The following TRIM34 variants were observed in gnomAD, a reference collection of about 807,000 sequenced individuals.
The protein encoded by TRIM34 is E3 ubiquitin-protein ligase TRIM34.
A neutral mutation model predicts 38.1 loss-of-function variants in TRIM34; 41 were observed. The observed-to-expected ratio is 1.08, with a 90% CI of 0.84 to 1.40. The LOEUF is 1.40. Ranked by LOEUF, TRIM34 falls within the 40% of genes most tolerant of loss-of-function variation. The pLI is 0.00. For synonymous variants in TRIM34, 200 were observed against 202.5 expected (o/e 0.99, Z 0.10); for missense variants, 556 against 571.4 (o/e 0.97, Z 0.27).
At chr11:5,635,254 A>ATTTTTT (rs35208771) in intron 4 of TRIM34, among the ~76,000 whole-genome samples, 1 of 128,320 alleles carries the variant, frequency 7.8e-6, no homozygotes, top group African/African-American at 2.9e-5. Context: ...TTCCCTGTTA[A>ATTTTTT]TTTTTTTTTT....
chr11:5,634,453 A>G (rs962832331), intron 3 of TRIM34, among the ~76,000 whole-genome samples, 178 bp from the exon 4 acceptor site: 18 of 150,634 alleles, frequency 1.2e-4, no homozygotes, highest in African/African-American at 3.9e-4. Flanking sequence ...AAAAATCGAT[A>G]TATAGATAAT....
In TRIM34 at chr11:5,630,803, T is replaced by G. The variant is rs574109040; in HGVS notation, c.-77-1452T>G. Among the ~76,000 whole-genome samples, 7 of 152,370 alleles carry G rather than the reference T, an allele frequency of 4.6e-5. No homozygotes were observed. In the East Asian group the frequency reaches 1.3e-3, roughly 29 times the overall value. On this transcript the variant is annotated intron_variant, in intron 1 of 7. Coordinates refer to ENST00000429814, the MANE Select transcript of TRIM34 (RefSeq NM_021616.6). The stretch of plus-strand genomic sequence containing the variant: ...TTTTATGAATGATTATATAATTAGC[T>G]TCTATCTTCTTAGGTGACTGTTTAC...
chr11:5,643,194 G>C lies in TRIM34; in HGVS notation c.952G>C (p.Glu318Gln). The change falls in exon 8 of 8, where the codon GAA (glutamate) becomes CAA (glutamine). Residue 318 changes from glutamate to glutamine, a missense_variant. Coordinates refer to ENST00000429814, the MANE Select transcript of TRIM34 (RefSeq NM_021616.6). ...CCTAAATTTGAATCTTGTCCTTTCAGAAGATCAGAGACAAGTGATATCTGT... is the reference window on the plus strand; with the variant it reads ...CCTAAATTTGAATCTTGTCCTTTCACAAGATCAGAGACAAGTGATATCTGT... ...VNLNLNLVLS[E>Q]DQRQVISVPI... 6.2e-7 allele frequency: 1 copy of C among 1,601,326 alleles called. No homozygotes were observed. The highest frequency in any genetic ancestry group is 8.5e-7 in the Non-Finnish European group (1 of 1,175,908).
chr11:5,622,123 T>G (rs951215425), upstream of TRIM34, among the ~76,000 whole-genome samples: 1 of 152,172 alleles, frequency 6.6e-6, no homozygotes, highest in Non-Finnish European at 1.5e-5. Flanking sequence ...TGCATGTCCA[T>G]TGAACTCAGA....
chr11:5,642,927 C>G (rs1564891276), intron 7 of TRIM34, 84 bp downstream of exon 7: 8 of 1,569,926 alleles, frequency 5.1e-6, no homozygotes, highest in Non-Finnish European at 6.9e-6. Flanking sequence ...CTGATCTTAG[C>G]CTCATGCATT....
At chr11:5,636,048 G>A (rs146214529) in intron 4 of TRIM34, among the ~76,000 whole-genome samples, 306 of 152,264 alleles carry the variant, frequency 2.0e-3, no homozygotes, top group African/African-American at 7.0e-3. Context: ...ATACCTAGAA[G>A]AACTGAATAC....
intron 4 of TRIM34, among the ~76,000 whole-genome samples, chr11:5,640,031 G>T (rs530699160): frequency 6.6e-6 from 1 of 152,040 alleles, no homozygotes; most frequent in Non-Finnish European, 1.5e-5. Context: ...ATAAATTATT[G>T]TTGACTATAG....
Position 5,632,359 on chromosome 11 carries a change from C to A in TRIM34, c.28C>A (p.Gln10Lys). Residue 10 changes from glutamine (Q) to lysine (K), a missense_variant, in exon 2 of 8, where the codon CAA (glutamine) becomes AAA (lysine). Coordinates refer to ENST00000429814, the MANE Select transcript of TRIM34 (RefSeq NM_021616.6). MASKILLNV[Q>K]EEVTCPICLE... is the part of the protein sequence containing the mutation. ...GGCTTCAAAAATCTTGCTTAACGTA[C>A]AAGAGGAGGTGACCTGTCCCATCTG... 6.2e-7 allele frequency: 1 copy of A among 1,614,020 alleles called. No homozygotes were observed.
intron 2 of TRIM34, 112 bp from the exon 3 acceptor site, chr11:5,633,692 G>GT (rs1849591080): frequency 1.4e-5 from 15 of 1,056,252 alleles, no homozygotes; most frequent in Non-Finnish European, 1.9e-5. Context: ...CAGCTTCACA[G>GT]TTTCTGTAAA....
At chr11:5,634,530 C>CACACACACAT (rs1491498839) in intron 3 of TRIM34, 101 bp from the exon 4 acceptor site, 11 of 261,888 alleles carry the variant, frequency 4.2e-5, no homozygotes, top group Admixed American at 3.1e-4. Flanking sequence ...CACACACACA[C>CACACACACAT]ATATATATAT....
At chr11:5,630,670 A>G (rs1334148589) in intron 1 of TRIM34, among the ~76,000 whole-genome samples, 8 of 152,140 alleles carry the variant, frequency 5.3e-5, no homozygotes, top group Admixed American at 5.2e-4. Context: ...TTAAACTCTT[A>G]CTTATCCAAG....
intron 4 of TRIM34, among the ~76,000 whole-genome samples, chr11:5,637,156 G>C (rs1220478943): frequency 2.2e-5 from 2 of 90,134 alleles, no homozygotes; most frequent in African/African-American, 3.9e-5. Flanking sequence ...CTGGGCGACA[G>C]AGCGAGACTC....
chr11:5,630,560 A>G (rs752688203), intron 1 of TRIM34, among the ~76,000 whole-genome samples: 2 of 152,210 alleles, frequency 1.3e-5, no homozygotes, highest in African/African-American at 2.4e-5. Context: ...TTATGATGCT[A>G]TGTCCTCCAT....
chr11:5,625,451 A>G (rs572037120), intron 1 of TRIM34, among the ~76,000 whole-genome samples: 48 of 152,246 alleles, frequency 3.2e-4, no homozygotes, highest in Non-Finnish European at 5.6e-4. Context: ...TCCCTCCTCA[A>G]AAGAGAAGTT....
At chr11:5,620,504 C>T (rs1848954956), upstream of TRIM34, among the ~76,000 whole-genome samples, 1 of 152,026 alleles carries the variant, frequency 6.6e-6, no homozygotes, top group Non-Finnish European at 1.5e-5. Flanking sequence ...TCCAGCCAAG[C>T]TTTTTTTCTC....
At chr11:5,640,755 GC>G (rs1849971616) in intron 4 of TRIM34, among the ~76,000 whole-genome samples, 1 of 152,126 alleles carries the variant, frequency 6.6e-6, no homozygotes, top group South Asian at 2.1e-4. Context: ...AGCAGAATTA[GC>G]CAGTGAAGCC....
chr11:5,643,211 G>C lies in TRIM34; in HGVS notation c.969G>C (p.Val323=). ...NLVLSEDQRQ[V]ISVPIWPFQC... is the part of the protein sequence containing the mutation. Reference sequence around the variant, plus strand: ...TCCTTTCAGAAGATCAGAGACAAGTGATATCTGTGCCAATTTGGCCTTTTC... The same window carrying C: ...TCCTTTCAGAAGATCAGAGACAAGTCATATCTGTGCCAATTTGGCCTTTTC... Residue 323 remains valine (V), a synonymous_variant, in exon 8 of 8, where the codon GTG becomes GTC. Coordinates refer to ENST00000429814, the MANE Select transcript of TRIM34 (RefSeq NM_021616.6). 2 of 1,612,862 alleles carry C rather than the reference G, an allele frequency of 1.2e-6. No homozygotes were observed. The highest frequency in any genetic ancestry group is 1.7e-6 in the Non-Finnish European group (2 of 1,179,630).
At chr11:5,641,062 C>A in intron 4 of TRIM34, 105 bp from the exon 5 acceptor site, 1 of 1,427,640 alleles carries the variant, frequency 7.0e-7, no homozygotes, top group Non-Finnish European at 9.3e-7. Flanking sequence ...TTTCATATAA[C>A]TCACTTCTGA....
chr11:5,633,543 A>T (rs1849583012), intron 2 of TRIM34, among the ~76,000 whole-genome samples: 1 of 152,220 alleles, frequency 6.6e-6, no homozygotes, highest in Admixed American at 6.5e-5. Context: ...AGAGGAAAGG[A>T]CTTTCTGCAG....
Sources: allele counts gnomAD v4.1 joint callset (sites outside exome capture counted in the v4.1 genomes callset), GRCh38; gene constraint gnomAD v4.1.1; transcripts MANE v1.5; gene names NCBI Gene and HGNC (gene_info 2026-07-23, HGNC 2026-07-21).